The following STAC variants were observed in gnomAD, a reference collection of about 807,000 sequenced individuals.
The protein encoded by STAC is SH3 and cysteine-rich domain-containing protein.
A neutral mutation model predicts 48.8 loss-of-function variants in STAC; 43 were observed. The ratio of observed to expected loss-of-function variants is 0.88; its 90% CI spans 0.69 to 1.14. STAC has a LOEUF of 1.14. Among genes scored for constraint, STAC ranks in the 50% most tolerant of loss-of-function variants. STAC has a pLI of 0.00. For synonymous variants in STAC, 193 were observed against 179.5 expected, an observed-to-expected ratio of 1.07 and a Z score of -0.60; for missense variants, 497 against 504.0, an observed-to-expected ratio of 0.99 and a Z score of 0.13.
chr3:36,445,490 G>T (rs1282811337), intron 2 of STAC, among the ~76,000 whole-genome samples: 1 of 152,156 alleles, frequency 6.6e-6, no homozygotes, highest in Non-Finnish European at 1.5e-5. Flanking sequence ...GAAAGAAAAG[G>T]CGGGAGGAAG....
At chr3:36,474,970 C>G (rs1697451002) in intron 2 of STAC, among the ~76,000 whole-genome samples, 1 of 152,130 alleles carries the variant, frequency 6.6e-6, no homozygotes, top group South Asian at 2.1e-4. Context: ...ATTCAAGTTT[C>G]TGACTTCTCA....
chr3:36,544,746 C>A (rs1699407590), intron 10 of STAC, among the ~76,000 whole-genome samples: 1 of 152,148 alleles, frequency 6.6e-6, no homozygotes, highest in South Asian at 2.1e-4. Context: ...TATTCCATCC[C>A]TTTTGAAGTC....
intron 1 of STAC, among the ~76,000 whole-genome samples, chr3:36,418,220 A>G (rs1436732574): frequency 6.6e-6 from 1 of 151,966 alleles, no homozygotes. Flanking sequence ...TTGCTTCATC[A>G]ATATGCACTA....
At chr3:36,507,391 A>G (rs1698430207) in intron 8 of STAC, among the ~76,000 whole-genome samples, 1 of 151,882 alleles carries the variant, frequency 6.6e-6, no homozygotes, top group Non-Finnish European at 1.5e-5. Flanking sequence ...TTTTTGTTGC[A>G]TCTCTGCCAG....
intron 1 of STAC, among the ~76,000 whole-genome samples, chr3:36,429,954 G>A (rs1473653640): frequency 1.3e-5 from 2 of 152,214 alleles, no homozygotes; most frequent in East Asian, 3.8e-4. Context: ...GAATACAGGA[G>A]ATATTTTTAA....
chr3:36,507,829 C>A (rs1440977876), intron 8 of STAC, among the ~76,000 whole-genome samples: 1 of 152,088 alleles, frequency 6.6e-6, no homozygotes, highest in African/African-American at 2.4e-5. Context: ...TTAAGTCTGG[C>A]TAGCAGTCTA....
intron 10 of STAC, among the ~76,000 whole-genome samples, chr3:36,539,112 T>G (rs943993179): frequency 3.0e-4 from 46 of 152,226 alleles, no homozygotes; most frequent in Non-Finnish European, 1.5e-4. Context: ...AGTCTTTCAT[T>G]GCTTCTAATA....
chr3:36,528,762 T>C lies in STAC; in HGVS notation c.972+15T>C, dbSNP rs1471648538. The C allele has an allele frequency of 6.2e-7, 1 of 1,601,070 alleles. No homozygotes were observed. Among genetic ancestry groups the C allele is most frequent in the East Asian group, 2.3e-5 (1 of 44,216 alleles). The stretch of plus-strand genomic sequence containing the variant: ...ACTGGTGGAAAGTAAGTGTTCCTCT[T>C]TCTTTAAAAAAAAAAGAGAAAATCA... On this transcript the variant is annotated intron_variant, in intron 9 of 10. Coordinates refer to ENST00000273183, the MANE Select transcript of STAC (RefSeq NM_003149.3).
intron 2 of STAC, among the ~76,000 whole-genome samples, chr3:36,481,898 C>T (rs1466909718): frequency 6.6e-6 from 1 of 152,200 alleles, no homozygotes; most frequent in Non-Finnish European, 1.5e-5. Context: ...GAAACCCTCT[C>T]AGGACTGAGG....
intron 8 of STAC, among the ~76,000 whole-genome samples, chr3:36,521,271 G>T (rs902777993): frequency 1.3e-5 from 2 of 152,136 alleles, no homozygotes; most frequent in African/African-American, 4.8e-5. Context: ...CAGTTCTGAT[G>T]AGTTTTGACA....
intron 10 of STAC, among the ~76,000 whole-genome samples, chr3:36,536,282 T>C (rs773391000): frequency 7.9e-5 from 12 of 152,138 alleles, no homozygotes; most frequent in East Asian, 3.8e-4. Flanking sequence ...AGAGCCTGTA[T>C]AGACAAGGCA....
chr3:36,541,247 G>T (rs914796496), intron 10 of STAC, among the ~76,000 whole-genome samples: 37 of 152,284 alleles, frequency 2.4e-4, no homozygotes, highest in Non-Finnish European at 4.7e-4. Context: ...CTGGAACTAA[G>T]TTCTATGTAA....
intron 3 of STAC, 65 bp from the exon 4 acceptor site, chr3:36,484,912 G>A: frequency 7.5e-7 from 1 of 1,332,054 alleles, no homozygotes; most frequent in Non-Finnish European, 1.0e-6. Flanking sequence ...TATTTAGGGA[G>A]CTCTTGTATG....
chr3:36,519,074 A>G (rs959131068), intron 8 of STAC, among the ~76,000 whole-genome samples: 2 of 152,202 alleles, frequency 1.3e-5, no homozygotes, highest in Admixed American at 1.3e-4. Flanking sequence ...AAGCCTTGTT[A>G]GTGAGCAGTC....
chr3:36,486,859 T>C (rs1378785), intron 5 of STAC, among the ~76,000 whole-genome samples: 138,416 of 152,282 alleles, frequency 0.91, 63,141 homozygotes, highest in African/African-American at 0.98. Flanking sequence ...GTTGTTTCAA[T>C]CAGAATTTCT....
chr3:36,461,017 A>G (rs1398362309), intron 2 of STAC, among the ~76,000 whole-genome samples: 1 of 152,204 alleles, frequency 6.6e-6, no homozygotes, highest in African/African-American at 2.4e-5. Context: ...CAAAAACAAG[A>G]ACAAGAGGAA....
chr3:36,475,529 G>T (rs189309915), intron 2 of STAC, among the ~76,000 whole-genome samples: 2 of 152,290 alleles, frequency 1.3e-5, no homozygotes, highest in South Asian at 2.1e-4. Flanking sequence ...TTAGGTATAT[G>T]ATGGCAGGCA....
intron 10 of STAC, among the ~76,000 whole-genome samples, chr3:36,544,684 T>A (rs1431219086): frequency 6.6e-6 from 1 of 152,168 alleles, no homozygotes; most frequent in African/African-American, 2.4e-5. Flanking sequence ...ACGTGCACGT[T>A]TGTTAACAAA....
chr3:36,542,520 T>C (rs1699352167), intron 10 of STAC, among the ~76,000 whole-genome samples: 1 of 152,190 alleles, frequency 6.6e-6, no homozygotes, highest in Non-Finnish European at 1.5e-5. Context: ...CCCAGTCTCT[T>C]GAGGCTGGAA....
Sources: gnomAD v4.1 joint callset for allele counts (sites outside exome capture counted in the v4.1 genomes callset) on GRCh38, gnomAD v4.1.1 for gene constraint, MANE v1.5 for transcripts, NCBI Gene and HGNC (gene_info 2026-07-23, HGNC 2026-07-21) for gene names.